The following LGSN variants were observed in gnomAD, a reference collection of about 807,000 sequenced individuals.
LGSN encodes lengsin.
In LGSN, 21 loss-of-function variants were observed where a neutral mutation model predicts 19.5. That is an observed-to-expected ratio of 1.07 (90% CI 0.76 to 1.55). The LOEUF (loss-of-function observed/expected upper bound fraction) is 1.55. Ranked by LOEUF, LGSN falls within the 40% of genes most tolerant of loss-of-function variation. The pLI, the probability that LGSN is intolerant of heterozygous loss-of-function variation, is 0.00. For synonymous variants in LGSN, 257 were observed against 215.6 expected, an observed-to-expected ratio of 1.19 and a Z score of -1.68; for missense variants, 673 against 608.5, an observed-to-expected ratio of 1.11 and a Z score of -1.12.
At chr6:63,394,397 T>C in the LGSN span, among the ~76,000 whole-genome samples, 19 of 152,190 alleles carry the variant, frequency 1.2e-4, no homozygotes, top group African/African-American at 4.6e-4. Flanking sequence ...ATGATGCAAT[T>C]ATAATGCATT....
chr6:63,573,086 G>A, the LGSN span, among the ~76,000 whole-genome samples: 2 of 152,160 alleles, frequency 1.3e-5, no homozygotes, highest in African/African-American at 2.4e-5. Context: ...CTTTGTGACC[G>A]CCGCCTCCGC....
At chr6:63,283,695 C>CT (rs1392104087) in intron 3 of LGSN, among the ~76,000 whole-genome samples, 1 of 148,356 alleles carries the variant, frequency 6.7e-6, no homozygotes, top group African/African-American at 2.5e-5. Flanking sequence ...ACAGATGAAT[C>CT]TTTTTTTTAT....
chr6:63,426,048 C>CT, the LGSN span, among the ~76,000 whole-genome samples: 3 of 150,844 alleles, frequency 2.0e-5, no homozygotes, highest in African/African-American at 4.9e-5. Context: ...AATTTAAAAA[C>CT]TTTTTTTTTA....
At chr6:63,395,761 A>T in the LGSN span, 1 of 153,078 alleles carries the variant, frequency 6.5e-6, no homozygotes, top group Non-Finnish European at 1.5e-5. Flanking sequence ...GACTATCTGG[A>T]CAATATCAAA....
At chr6:63,443,977 T>C in the LGSN span, among the ~76,000 whole-genome samples, 5 of 151,262 alleles carry the variant, frequency 3.3e-5, no homozygotes, top group Non-Finnish European at 7.4e-5. Flanking sequence ...GGGAATTATC[T>C]AACTATTTTG....
the LGSN span, among the ~76,000 whole-genome samples, chr6:63,447,906 G>C: frequency 6.6e-6 from 1 of 152,040 alleles, no homozygotes; most frequent in Admixed American, 6.6e-5. Context: ...CTCAAAGTAG[G>C]AAATCCAATA....
At chr6:63,451,556 A>G in the LGSN span, among the ~76,000 whole-genome samples, 3 of 152,142 alleles carry the variant, frequency 2.0e-5, no homozygotes, top group Non-Finnish European at 4.4e-5. Flanking sequence ...ATGAGAACAC[A>G]TGGAAACACA....
the LGSN span, among the ~76,000 whole-genome samples, chr6:63,332,328 G>C: frequency 6.6e-6 from 1 of 152,226 alleles, no homozygotes; most frequent in Non-Finnish European, 1.5e-5. Flanking sequence ...AGAGAGGTGA[G>C]AGGAAGTTTG....
In LGSN at chr6:63,280,993, G is replaced by A; in HGVS notation, c.558C>T (p.Tyr186=). Residue 186 remains tyrosine, a synonymous_variant, in exon 4 of 4, where the codon TAC becomes TAT. Transcript: ENST00000370657. ...GATGGCTCAGCTGCCTCTTTGCAAT[G>A]TACCTTGGGGAAGTCAAAAGAGGCT... is the stretch of plus-strand genomic sequence containing the variant. ...TGEPLLTSPR[Y]IAKRQLSHLQ... is the part of the protein sequence containing the mutation. 6.2e-7 allele frequency: 1 copy of A among 1,614,122 alleles called. No homozygotes were observed. Among genetic ancestry groups the A allele is most frequent in the Non-Finnish European group, 8.5e-7 (1 of 1,180,028 alleles).
the LGSN span, among the ~76,000 whole-genome samples, chr6:63,503,488 C>T: frequency 6.6e-6 from 1 of 152,182 alleles, no homozygotes; most frequent in Non-Finnish European, 1.5e-5. Context: ...TAGATTAATC[C>T]TCTCTTTAAT....
At chr6:63,489,668 C>A in the LGSN span, among the ~76,000 whole-genome samples, 4 of 152,086 alleles carry the variant, frequency 2.6e-5, no homozygotes, top group African/African-American at 7.2e-5. Flanking sequence ...CCACACCCGA[C>A]CTGGATTTTA....
intron 2 of LGSN, among the ~76,000 whole-genome samples, chr6:63,291,058 A>AT (rs1241332654): frequency 6.6e-6 from 1 of 152,222 alleles, no homozygotes; most frequent in Non-Finnish European, 1.5e-5. Context: ...TGGTAGTGAG[A>AT]TGGGAGAGTT....
the LGSN span, among the ~76,000 whole-genome samples, chr6:63,459,050 A>T: frequency 1.3e-5 from 2 of 152,214 alleles, no homozygotes; most frequent in Non-Finnish European, 2.9e-5. Context: ...GACTTGCTTT[A>T]GAGTGTTTTC....
chr6:63,363,818 G>A, the LGSN span, among the ~76,000 whole-genome samples: 1 of 152,116 alleles, frequency 6.6e-6, no homozygotes, highest in African/African-American at 2.4e-5. Context: ...TAGCAAAGCA[G>A]GCCAAATTCA....
At position 63,314,717 on chromosome 6, in the gene LGSN, T is replaced by C. The variant is rs568555971; in HGVS notation, c.30+5197A>G. Reference sequence around the variant, plus strand: ...AATTTTCCCTTTAGGGTAAGAAGTGTTCAGATAGAGTAGGAATATGGAAGA... The same window carrying C: ...AATTTTCCCTTTAGGGTAAGAAGTGCTCAGATAGAGTAGGAATATGGAAGA... On this transcript the variant is annotated intron_variant, in intron 1 of 3. Transcript: ENST00000370657. 1.1e-3 allele frequency among the ~76,000 whole-genome samples: 167 copies of C among 152,206 alleles called. 2 individuals are homozygous for C. The highest frequency in any genetic ancestry group is 3.7e-3 in the African/African-American group (153 of 41,524).
At chr6:63,539,018 A>G in the LGSN span, among the ~76,000 whole-genome samples, 1 of 151,920 alleles carries the variant, frequency 6.6e-6, no homozygotes, top group Non-Finnish European at 1.5e-5. Context: ...TCAGCTTCCC[A>G]CATAGCTGGG....
At chr6:63,291,204 T>TTC (rs1767752298) in intron 2 of LGSN, among the ~76,000 whole-genome samples, 1 of 152,162 alleles carries the variant, frequency 6.6e-6, no homozygotes, top group Non-Finnish European at 1.5e-5. Flanking sequence ...ACAGCAGTGT[T>TTC]TAGGGGTGTT....
the LGSN span, among the ~76,000 whole-genome samples, chr6:63,457,306 A>G: frequency 1.3e-5 from 2 of 151,990 alleles, no homozygotes; most frequent in African/African-American, 4.8e-5. Flanking sequence ...GGAGTTCGAG[A>G]CCAGCCTGGC....
chr6:63,397,428 C>G, the LGSN span, among the ~76,000 whole-genome samples: 1 of 150,588 alleles, frequency 6.6e-6, no homozygotes, highest in Non-Finnish European at 1.5e-5. Context: ...AAAGTTGGCT[C>G]CAGGAAACTT....
Sources: allele counts gnomAD v4.1 joint callset (sites outside exome capture counted in the v4.1 genomes callset), GRCh38; gene constraint gnomAD v4.1.1; transcripts MANE v1.5; gene names NCBI Gene and HGNC (gene_info 2026-07-23, HGNC 2026-07-21).